The following RANBP2 variants were observed in gnomAD, a reference collection of about 807,000 sequenced individuals.
The protein encoded by RANBP2 is E3 SUMO-protein ligase RanBP2.
A neutral mutation model predicts 303.6 loss-of-function variants in RANBP2; 57 were observed. That is an observed-to-expected ratio of 0.19 (90% confidence interval 0.15 to 0.23). The LOEUF (loss-of-function observed/expected upper bound fraction) is 0.23. Among genes scored for constraint, RANBP2 ranks in the 10% least tolerant of loss-of-function variants. RANBP2 has a pLI of 1.00. For synonymous variants in RANBP2, 1,167 were observed against 1,301.5 expected (o/e 0.90, Z 2.23); for missense variants, 3,138 against 3,780.8 (o/e 0.83, Z 4.46).
the RANBP2 span, among the ~76,000 whole-genome samples, chr2:108,806,735 A>C: frequency 6.6e-6 from 1 of 152,246 alleles, no homozygotes; most frequent in Non-Finnish European, 1.5e-5. Context: ...GAAATTGCTG[A>C]AGAAAAAGAT....
chr2:109,305,921 TCCTC>T, the RANBP2 span, among the ~76,000 whole-genome samples: 1 of 150,092 alleles, frequency 6.7e-6, no homozygotes, highest in African/African-American at 2.5e-5. Flanking sequence ...TTTGGGCTGC[TCCTC>T]CAGCTGCTCC....
the RANBP2 span, among the ~76,000 whole-genome samples, chr2:109,097,867 TG>T: frequency 6.6e-6 from 1 of 152,100 alleles, no homozygotes; most frequent in African/African-American, 2.4e-5. Context: ...TTAGGGATCC[TG>T]CCTGCCTTGG....
the RANBP2 span, among the ~76,000 whole-genome samples, chr2:109,708,549 T>TG: frequency 7.2e-5 from 11 of 152,184 alleles, no homozygotes; most frequent in Non-Finnish European, 1.3e-4. Context: ...TCCAGCTACT[T>TG]GGGAGGCTGA....
At chr2:108,832,376 T>C in the RANBP2 span, among the ~76,000 whole-genome samples, 1 of 145,800 alleles carries the variant, frequency 6.9e-6, no homozygotes, top group African/African-American at 2.6e-5. Flanking sequence ...AGACAGAGTT[T>C]CACTCTTGTT....
the RANBP2 span, among the ~76,000 whole-genome samples, chr2:109,123,040 C>A: frequency 6.6e-6 from 1 of 152,190 alleles, no homozygotes; most frequent in African/African-American, 2.4e-5. Context: ...TGAACTCATG[C>A]CTGGTGGACG....
the RANBP2 span, among the ~76,000 whole-genome samples, chr2:109,154,319 A>G: frequency 6.6e-6 from 1 of 152,082 alleles, no homozygotes; most frequent in East Asian, 1.9e-4. Flanking sequence ...CAGCTTGGGT[A>G]GGTGATTGGG....
At chr2:108,900,027 T>C in the RANBP2 span, among the ~76,000 whole-genome samples, 2 of 152,154 alleles carry the variant, frequency 1.3e-5, no homozygotes, top group African/African-American at 2.4e-5. Flanking sequence ...TGATAAGTTA[T>C]ATGTGTCAAT....
At chr2:108,742,972 G>T (rs1696235195) in intron 7 of RANBP2, among the ~76,000 whole-genome samples, 1 of 150,354 alleles carries the variant, frequency 6.7e-6, no homozygotes, top group African/African-American at 2.4e-5. Context: ...TGTATTTTCA[G>T]TAGAGATGGG....
chr2:108,970,355 G>A, the RANBP2 span, among the ~76,000 whole-genome samples: 1 of 152,192 alleles, frequency 6.6e-6, no homozygotes, highest in African/African-American at 2.4e-5. Flanking sequence ...ATCTGCAAAT[G>A]GTGTGTAAAG....
the RANBP2 span, among the ~76,000 whole-genome samples, chr2:109,019,659 T>C: frequency 9.8e-3 from 1,493 of 152,314 alleles, 24 homozygotes; most frequent in African/African-American, 0.033. Flanking sequence ...GGTTTGATTT[T>C]TGGCTCGCTG....
At chr2:109,685,395 T>G in the RANBP2 span, among the ~76,000 whole-genome samples, 1 of 152,244 alleles carries the variant, frequency 6.6e-6, no homozygotes, top group Non-Finnish European at 1.5e-5. Flanking sequence ...TGGCCAATAT[T>G]GTCAAATTGC....
At chr2:109,250,330 A>G in the RANBP2 span, among the ~76,000 whole-genome samples, 2 of 152,082 alleles carry the variant, frequency 1.3e-5, no homozygotes, top group African/African-American at 4.8e-5. Flanking sequence ...GGGTTTCTAA[A>G]CATGCACAAG....
At chr2:108,872,766 A>C in the RANBP2 span, among the ~76,000 whole-genome samples, 2 of 152,098 alleles carry the variant, frequency 1.3e-5, no homozygotes, top group East Asian at 3.9e-4. Flanking sequence ...ATGGCAGTTA[A>C]ATTTCAACAT....
chr2:108,965,096 C>T, the RANBP2 span, among the ~76,000 whole-genome samples: 14 of 151,826 alleles, frequency 9.2e-5, no homozygotes, highest in Non-Finnish European at 1.6e-4. Flanking sequence ...TGTGTGTGCA[C>T]GCAAGCATGT....
At chr2:109,084,014 C>G in the RANBP2 span, among the ~76,000 whole-genome samples, 1 of 152,128 alleles carries the variant, frequency 6.6e-6, no homozygotes, top group Non-Finnish European at 1.5e-5. Flanking sequence ...TTGTGTCACC[C>G]TTTCCCTCCA....
chr2:109,589,344 C>A, the RANBP2 span, among the ~76,000 whole-genome samples: 2 of 151,860 alleles, frequency 1.3e-5, no homozygotes, highest in Admixed American at 1.3e-4. Context: ...ACCAACCTGG[C>A]CAGCATGACA....
Position 108,735,986 on chromosome 2 carries a change from AAATC to A in RANBP2, c.637-114_637-111del. The A allele has an allele frequency of 3.1e-6, 5 of 1,600,096 alleles. 1 individual carries two copies. The highest frequency in any genetic ancestry group is 2.3e-4 in the Middle Eastern group (1 of 4,368). On this transcript the variant is annotated intron_variant, in intron 5 of 28. Transcript: ENST00000283195. ...TTGGTGTTTTATAAGGTCGATATAA[AAATC>A]AATATAGTTTCACAAATGTGGTTGG...
At chr2:109,579,424 A>T in the RANBP2 span, among the ~76,000 whole-genome samples, 1 of 144,392 alleles carries the variant, frequency 6.9e-6, no homozygotes, top group Non-Finnish European at 1.5e-5. Flanking sequence ...GCTCTTGTTG[A>T]CCAGGCTTGA....
chr2:109,001,559 A>G, the RANBP2 span, among the ~76,000 whole-genome samples: 5 of 152,258 alleles, frequency 3.3e-5, no homozygotes, highest in Admixed American at 3.3e-4. Context: ...ACCAAAGAGC[A>G]CAGCAGCTAC....
Sources: allele counts gnomAD v4.1 joint callset (sites outside exome capture counted in the v4.1 genomes callset), GRCh38; gene constraint gnomAD v4.1.1; transcripts MANE v1.5; gene names NCBI Gene and HGNC (gene_info 2026-07-23, HGNC 2026-07-21).